Variants in WBP11 observed in about 807,000 individuals in gnomAD.
The protein encoded by WBP11 is WW domain-binding protein 11.
Under a neutral mutation model 66.7 loss-of-function variants are expected in WBP11, and 12 were observed. That is an observed-to-expected ratio of 0.18 (90% CI 0.12 to 0.29). WBP11 has a LOEUF of 0.29. Ranked by LOEUF, WBP11 falls within the 10% of genes least tolerant of loss-of-function variation. The pLI is 1.00. For missense variants in WBP11, 555 were observed against 818.3 expected (o/e 0.68, Z 3.93); for synonymous variants, 255 against 273.8 (o/e 0.93, Z 0.68).
intron 3 of WBP11, 110 bp downstream of exon 3, chr12:14,800,642 G>A: frequency 9.4e-7 from 1 of 1,066,250 alleles, no homozygotes; most frequent in Admixed American, 2.4e-5. Context: ...AAAGCATAAA[G>A]TACCTTTTCT....
chr12:14,794,953 G>A lies in WBP11; in HGVS notation c.521+18C>T. ...TGCCTTTACTAAATGCTCTCTGATTGTGACACTGCTTCCTTACCCATAGGC... is the reference window on the plus strand; with the variant it reads ...TGCCTTTACTAAATGCTCTCTGATTATGACACTGCTTCCTTACCCATAGGC... On this transcript the variant is annotated intron_variant, in intron 6 of 11. Transcript: ENST00000261167. The A allele has an allele frequency of 6.2e-7, 1 of 1,612,024 alleles. No individual in the cohort carries two copies. The highest frequency in any genetic ancestry group is 1.1e-5 in the South Asian group (1 of 90,980).
At position 14,797,458 on chromosome 12, in the gene WBP11, C is replaced by T. The variant is rs1949907016; in HGVS notation, c.191-455G>A. On this transcript the variant is annotated intron_variant, in intron 4 of 11. Transcript: ENST00000261167. ...ACAATGGGATTACAAATAAAATATC[C>T]AGTGGTGTTTGACTCACCACTTAAC... Among the ~76,000 whole-genome samples the T allele has an allele frequency of 2.6e-5, 4 of 152,152 alleles. No homozygotes were observed. The South Asian group carries it at 8.3e-4, about 31-fold the overall frequency.
At chr12:14,792,583 A>G (rs1427289738) in intron 8 of WBP11, among the ~76,000 whole-genome samples, 1 of 152,120 alleles carries the variant, frequency 6.6e-6, no homozygotes, top group Non-Finnish European at 1.5e-5. Context: ...CTGTATTCCC[A>G]GCACTTTGGG....
chr12:14,791,276 G>A lies in WBP11; in HGVS notation c.914-6C>T. The A allele has an allele frequency of 6.2e-7, 1 of 1,613,496 alleles. No individual in the cohort carries two copies. The highest frequency in any genetic ancestry group is 8.5e-7 in the Non-Finnish European group (1 of 1,179,610). On this transcript the variant is annotated splice_region_variant and splice_polypyrimidine_tract_variant and intron_variant, in intron 8 of 11. Coordinates refer to ENST00000261167, the MANE Select transcript of WBP11 (RefSeq NM_016312.3). ...TGCAAACCGTACACTCAGACCTAAG[G>A]GGACAAAGGAGGGAGTGGAGTAGAT...
intron 4 of WBP11, chr12:14,799,371 G>A (rs1949932288): frequency 3.8e-6 from 1 of 263,306 alleles, no homozygotes; most frequent in African/African-American, 2.2e-5. Context: ...CAAAAAGCAA[G>A]CTGGCCAAAC....
chr12:14,792,010 G>A (rs962367893), intron 8 of WBP11, among the ~76,000 whole-genome samples: 23 of 152,078 alleles, frequency 1.5e-4, no homozygotes, highest in Non-Finnish European at 3.1e-4. Flanking sequence ...GTGAAGGAAA[G>A]GAGACTACAA....
In WBP11 at chr12:14,793,852, T is replaced by C; in HGVS notation, c.792A>G (p.Gln264=). 6.2e-7 allele frequency: 1 copy of C among 1,614,110 alleles called. No individual in the cohort carries two copies. The highest frequency in any genetic ancestry group is 1.7e-4 in the Middle Eastern group (1 of 6,060). Residue 264 remains glutamine (Q), a synonymous_variant, in exon 8 of 12, where the codon CAA becomes CAG. Coordinates refer to ENST00000261167, the MANE Select transcript of WBP11 (RefSeq NM_016312.3). ...EDDGYPEDMD[Q]DKHDDSTDDS... ...CATCAGTACTGTCATCATGCTTATC[T>C]TGATCCATGTCCTCAGGATAGCCAT...
intron 9 of WBP11, 35 bp from the exon 10 acceptor site, chr12:14,790,784 A>C (rs1279406622): frequency 6.3e-7 from 1 of 1,579,820 alleles, no homozygotes; most frequent in Non-Finnish European, 8.6e-7. Context: ...AATGGAGTTG[A>C]TTCATTTTCT....
chr12:14,788,558 A>G (rs1949782875), intron 11 of WBP11, among the ~76,000 whole-genome samples: 1 of 152,196 alleles, frequency 6.6e-6, no homozygotes, highest in African/African-American at 2.4e-5. Context: ...TGTAAACTAG[A>G]AATATACCTA....
chr12:14,801,285 T>C lies in WBP11; in HGVS notation c.64+35A>G, dbSNP rs765375008. 10 of 1,606,790 alleles carry C rather than the reference T, an allele frequency of 6.2e-6. No individual in the cohort carries two copies. In the African/African-American group the frequency reaches 1.2e-4, roughly 19 times the overall value. On this transcript the variant is annotated intron_variant, in intron 2 of 11. Coordinates refer to ENST00000261167, the MANE Select transcript of WBP11 (RefSeq NM_016312.3). ...CTAATATTTGCAATTTTTAACACTC[T>C]CCTACTTCATCATTCCACACTAATG...
At chr12:14,801,849 G>A (rs928923008) in intron 1 of WBP11, 6 of 160,590 alleles carry the variant, frequency 3.7e-5, no homozygotes, top group African/African-American at 1.2e-4. Context: ...AGGGAATGGG[G>A]GTAATGGATC....
intron 8 of WBP11, 75 bp from the exon 9 acceptor site, chr12:14,791,345 A>G: frequency 8.1e-7 from 1 of 1,235,278 alleles, no homozygotes; most frequent in Non-Finnish European, 1.2e-6. Flanking sequence ...GTAGCACTAT[A>G]AAGTACTAGA....
At chr12:14,792,446 G>T (rs985380456) in intron 8 of WBP11, among the ~76,000 whole-genome samples, 6 of 149,296 alleles carry the variant, frequency 4.0e-5, no homozygotes, top group African/African-American at 1.5e-4. Context: ...AAAAAATGCC[G>T]TATATAGTAA....
rs751474729 is a variant in WBP11 at position 14,790,391 on chromosome 12, G to C, written c.1309+65C>G. ...AAAACATGAACACTAACAACACATA[G>C]TATTTTTTGGAATGACTTCATTCTA... On this transcript the variant is annotated intron_variant, in intron 10 of 11. Transcript: ENST00000261167. The C allele has an allele frequency of 9.1e-6, 14 of 1,545,508 alleles. No individual in the cohort carries two copies. The South Asian group carries it at 1.7e-4, about 19-fold the overall frequency.
At chr12:14,802,479 C>G (rs17761771) in intron 1 of WBP11, among the ~76,000 whole-genome samples, 27,392 of 152,070 alleles carry the variant, frequency 0.18, 3,102 homozygotes, top group Non-Finnish European at 0.25. Context: ...TTCAAGACAG[C>G]GGTATCAAAG....
At chr12:14,799,110 T>C (rs1949929749) in intron 4 of WBP11, among the ~76,000 whole-genome samples, 1 of 152,304 alleles carries the variant, frequency 6.6e-6, no homozygotes, top group Non-Finnish European at 1.5e-5. Context: ...AACTATTCTA[T>C]AAAATGTGAA....
At chr12:14,795,146 C>A in intron 5 of WBP11, 42 bp from the exon 6 acceptor site, 2 of 1,506,790 alleles carry the variant, frequency 1.3e-6, no homozygotes, top group Non-Finnish European at 1.8e-6. Flanking sequence ...AAAAAGTCAT[C>A]TACTAACTAA....
chr12:14,797,080 A>C (rs1592221253), intron 4 of WBP11, 77 bp from the exon 5 acceptor site: 1 of 1,257,916 alleles, frequency 7.9e-7, no homozygotes, highest in Non-Finnish European at 1.1e-6. Context: ...CATGATAAAA[A>C]CCTCCATATA....
At chr12:14,793,612 A>G in intron 8 of WBP11, 119 bp downstream of exon 8, 1 of 1,224,644 alleles carries the variant, frequency 8.2e-7, no homozygotes, top group Non-Finnish European at 1.1e-6. Context: ...AGATGAACAC[A>G]GCTATGATCC....
Sources: allele counts gnomAD v4.1 joint callset (sites outside exome capture counted in the v4.1 genomes callset), GRCh38; gene constraint gnomAD v4.1.1; transcripts MANE v1.5; gene names NCBI Gene and HGNC (gene_info 2026-07-23, HGNC 2026-07-21).